The following AFF3 variants were observed in gnomAD, a reference collection of about 807,000 sequenced individuals.
AFF3 encodes the protein AF4/FMR2 family member 3.
Under a neutral mutation model 129.7 loss-of-function variants are expected in AFF3, and 32 were observed. The observed-to-expected ratio is 0.25, with a 90% CI of 0.19 to 0.33. The LOEUF is 0.33. Among genes scored for constraint, AFF3 ranks in the 10% least tolerant of loss-of-function variants. The pLI is 1.00. For missense variants in AFF3, 1,373 were observed against 1,592.0 expected (o/e 0.86, Z 2.34); for synonymous variants, 644 against 635.4 (o/e 1.01, Z -0.20).
chr2:99,761,533 G>A (rs991402273), intron 8 of AFF3, among the ~76,000 whole-genome samples: 1 of 152,176 alleles, frequency 6.6e-6, no homozygotes, highest in African/African-American at 2.4e-5. Context: ...TAGGACAAGT[G>A]ACAGGAGGCC....
chr2:99,580,203 T>C (rs767950143), intron 17 of AFF3, among the ~76,000 whole-genome samples: 14 of 152,284 alleles, frequency 9.2e-5, no homozygotes, highest in Non-Finnish European at 1.5e-4. Flanking sequence ...CTTTGTCTCT[T>C]AGTATATGGT....
intron 8 of AFF3, among the ~76,000 whole-genome samples, chr2:99,828,931 T>C (rs1256235917): frequency 6.6e-6 from 1 of 152,186 alleles, no homozygotes; most frequent in Non-Finnish European, 1.5e-5. Flanking sequence ...TAATATCACT[T>C]CAGCAGATAT....
chr2:99,652,446 C>T (rs1685347096), intron 12 of AFF3, among the ~76,000 whole-genome samples: 1 of 152,090 alleles, frequency 6.6e-6, no homozygotes, highest in South Asian at 2.1e-4. Flanking sequence ...CTTAAAATGA[C>T]AAAGGGTGCC....
At chr2:99,750,855 C>T (rs1031759908) in intron 9 of AFF3, among the ~76,000 whole-genome samples, 1 of 152,160 alleles carries the variant, frequency 6.6e-6, no homozygotes, top group East Asian at 1.9e-4. Flanking sequence ...ACAAGCCATA[C>T]ATAATCTCAG....
chr2:99,715,807 G>T (rs1476637924), intron 11 of AFF3, among the ~76,000 whole-genome samples: 5 of 151,990 alleles, frequency 3.3e-5, no homozygotes, highest in African/African-American at 7.3e-5. Context: ...GAGTAGCTGG[G>T]ACTACAGGTA....
At position 100,109,091 on chromosome 2, in the gene AFF3, C is replaced by T. The variant is rs573613092; in HGVS notation, c.-144-3508G>A. Reference sequence around the variant, plus strand: ...CGGCAGGGTCAGAGGGCAAGCAGGGCAGAGAAAAGAGAGGGGAAAATGAGC... The same window carrying T: ...CGGCAGGGTCAGAGGGCAAGCAGGGTAGAGAAAAGAGAGGGGAAAATGAGC... On this transcript the variant is annotated intron_variant, in intron 2 of 24. Coordinates refer to ENST00000672756, the MANE Select transcript of AFF3 (RefSeq NM_001386135.1). Among the ~76,000 whole-genome samples the T allele has an allele frequency of 3.2e-3, 478 of 151,172 alleles. 1 individual carries two copies. The highest frequency in any genetic ancestry group is 5.8e-3 in the Non-Finnish European group (394 of 67,832).
In AFF3 at chr2:99,649,672, A is replaced by G; in HGVS notation, c.1144-6T>C. On this transcript the variant is annotated splice_polypyrimidine_tract_variant and splice_region_variant and intron_variant, in intron 12 of 24. Transcript: ENST00000672756. The stretch of plus-strand genomic sequence containing the variant: ...GCCGTTCTCTGAGCTGCCTGCTGGA[A>G]GAAAGAAAGGGCAGAGATGTTTATT... 6.2e-7 allele frequency: 1 copy of G among 1,614,110 alleles called. No homozygotes were observed. The highest frequency in any genetic ancestry group is 8.5e-7 in the Non-Finnish European group (1 of 1,179,940).
chr2:100,126,729 A>G (rs2105574445), intron 2 of AFF3, among the ~76,000 whole-genome samples: 1 of 152,354 alleles, frequency 6.6e-6, no homozygotes, highest in Non-Finnish European at 1.5e-5. Flanking sequence ...ATGTAGAAAT[A>G]TAAGTGTGTG....
chr2:99,639,541 C>G (rs1000035602), intron 13 of AFF3, among the ~76,000 whole-genome samples: 6 of 152,154 alleles, frequency 3.9e-5, no homozygotes, highest in African/African-American at 1.4e-4. Context: ...AGGGCTCCCC[C>G]ACGTTATTGA....
intron 11 of AFF3, among the ~76,000 whole-genome samples, chr2:99,696,367 G>C (rs1438567927): frequency 6.6e-6 from 1 of 152,190 alleles, no homozygotes; most frequent in Non-Finnish European, 1.5e-5. Flanking sequence ...GCCAAAGAGT[G>C]TGCAATTTTA....
At chr2:99,783,033 C>G (rs912753278) in intron 8 of AFF3, among the ~76,000 whole-genome samples, 1 of 152,158 alleles carries the variant, frequency 6.6e-6, no homozygotes, top group Admixed American at 6.5e-5. Flanking sequence ...TGGTACCTGG[C>G]GCCCAGGCTG....
chr2:99,957,466 G>A (rs1225953608), intron 7 of AFF3, among the ~76,000 whole-genome samples: 2 of 152,176 alleles, frequency 1.3e-5, no homozygotes, highest in Non-Finnish European at 2.9e-5. Context: ...TGTGGAAGGG[G>A]GAGAAAACAG....
intron 7 of AFF3, among the ~76,000 whole-genome samples, chr2:99,980,112 T>C (rs1679266464): frequency 6.6e-6 from 1 of 152,222 alleles, no homozygotes; most frequent in South Asian, 2.1e-4. Context: ...TCATAGCATG[T>C]TATTCAACCT....
chr2:99,941,165 G>C (rs1015343673), intron 7 of AFF3, among the ~76,000 whole-genome samples: 2 of 152,162 alleles, frequency 1.3e-5, no homozygotes, highest in Admixed American at 1.3e-4. Flanking sequence ...AGGTGGGTCT[G>C]ACCAAGGGCC....
chr2:99,911,294 A>G (rs753278516), intron 7 of AFF3, among the ~76,000 whole-genome samples: 20 of 152,116 alleles, frequency 1.3e-4, no homozygotes, highest in Non-Finnish European at 2.5e-4. Flanking sequence ...AGGCTGAGGC[A>G]GGAGCATCAC....
intron 8 of AFF3, among the ~76,000 whole-genome samples, chr2:99,764,280 T>C (rs971833799): frequency 3.9e-5 from 6 of 152,196 alleles, no homozygotes; most frequent in African/African-American, 1.4e-4. Flanking sequence ...TTTCACCTCC[T>C]TGACTTCAGC....
intron 4 of AFF3, among the ~76,000 whole-genome samples, chr2:100,039,002 G>T (rs995225523): frequency 7.9e-5 from 12 of 152,244 alleles, no homozygotes; most frequent in South Asian, 2.1e-4. Context: ...GAGACTACAG[G>T]TGTGACCCAC....
chr2:99,671,280 G>C (rs535224691), intron 12 of AFF3, among the ~76,000 whole-genome samples: 1 of 152,296 alleles, frequency 6.6e-6, no homozygotes, highest in East Asian at 1.9e-4. Flanking sequence ...TTTCTGCTAA[G>C]ATTGCTGTGT....
Position 99,551,608 on chromosome 2 carries a change from A to G in AFF3, c.3560-13T>C. On this transcript the variant is annotated splice_polypyrimidine_tract_variant and intron_variant, in intron 24 of 24. Transcript: ENST00000672756. ...TCGTTGAAGAATTCTAGGGGGACAG[A>G]AAGAGTTGTTAAGAATGCCACACAT... is the stretch of plus-strand genomic sequence containing the variant. The G allele has an allele frequency of 2.5e-6, 4 of 1,613,950 alleles. No individual in the cohort carries two copies.
Sources: allele counts gnomAD v4.1 joint callset (sites outside exome capture counted in the v4.1 genomes callset), GRCh38; gene constraint gnomAD v4.1.1; transcripts MANE v1.5; gene names NCBI Gene and HGNC (gene_info 2026-07-23, HGNC 2026-07-21).